The following PLG variants were observed in gnomAD, a reference collection of about 807,000 sequenced individuals.
PLG encodes the protein plasminogen, also known as plasmin.
Under a neutral mutation model 104.4 loss-of-function variants are expected in PLG, and 41 were observed. The ratio of observed to expected loss-of-function variants is 0.39; its 90% CI spans 0.31 to 0.51. The LOEUF (loss-of-function observed/expected upper bound fraction) is 0.51, where lower values mean the gene tolerates loss of function less well. Ranked by LOEUF, PLG falls within the 20% of genes least tolerant of loss-of-function variation. The pLI is 0.76. For missense variants in PLG, 891 were observed against 1,003.6 expected (o/e 0.89, Z 1.52); for synonymous variants, 337 against 357.1 (o/e 0.94, Z 0.63).
chr6:160,728,181 G>A (rs1322060912), intron 10 of PLG, among the ~76,000 whole-genome samples: 2 of 151,992 alleles, frequency 1.3e-5, no homozygotes, highest in Admixed American at 1.3e-4. Flanking sequence ...AAATAAAAAT[G>A]TCAGAGCAAT....
chr6:160,733,300 A>T (rs951638827), intron 12 of PLG, among the ~76,000 whole-genome samples: 1 of 152,222 alleles, frequency 6.6e-6, no homozygotes, highest in African/African-American at 2.4e-5. Flanking sequence ...TTCATCGGGT[A>T]GGAGAGCGCT....
intron 17 of PLG, among the ~76,000 whole-genome samples, chr6:160,743,959 A>T (rs1041862688): frequency 6.6e-6 from 1 of 152,202 alleles, no homozygotes; most frequent in Non-Finnish European, 1.5e-5. Context: ...GATGAATCAC[A>T]TTTATTGATT....
rs1228064514 is a variant in PLG at position 160,725,233 on chromosome 6, CAAAA to C, written c.1256+2668_1256+2671del. Among the ~76,000 whole-genome samples, 3 of 151,692 alleles carry C rather than the reference CAAAA, an allele frequency of 2.0e-5. No homozygotes were observed. Among genetic ancestry groups the C allele is most frequent in the Non-Finnish European group, 4.4e-5 (3 of 67,966 alleles). Reference sequence around the variant, plus strand: ...CAAAACAAACAAACAAACAAACAAACAAAAAGATAATAATTTACTACTTGAAGCA... The same window carrying C: ...CAAAACAAACAAACAAACAAACAAACAGATAATAATTTACTACTTGAAGCA... On this transcript the variant is annotated intron_variant, in intron 10 of 18. Transcript: ENST00000308192. The surrounding 1 kb of genome is among the most constrained non-coding windows in gnomAD (Gnocchi z 6.3).
At chr6:160,728,490 A>C (rs960200522) in intron 10 of PLG, among the ~76,000 whole-genome samples, 3 of 102,020 alleles carry the variant, frequency 2.9e-5, no homozygotes, top group Non-Finnish European at 4.2e-5. Context: ...TGGAGGACTT[A>C]CTTACCCAAA....
rs1233894449 is a variant in PLG at position 160,724,653 on chromosome 6, G to A, written c.1256+2086G>A. On this transcript the variant is annotated intron_variant, in intron 10 of 18. Transcript: ENST00000308192. The surrounding 1 kb of genome is among the most constrained non-coding windows in gnomAD (Gnocchi z 5.0). ...CTGATGCCTTCTCGTCAGAAACTAT[G>A]CTGGTCAGAAACAATGAAATAACAC... 6.6e-6 allele frequency among the ~76,000 whole-genome samples: 1 copy of A among 152,066 alleles called. No homozygotes were observed. The highest frequency in any genetic ancestry group is 2.4e-5 in the African/African-American group (1 of 41,408).
At chr6:160,751,845 C>G (rs976690333) in intron 17 of PLG, among the ~76,000 whole-genome samples, 1 of 152,172 alleles carries the variant, frequency 6.6e-6, no homozygotes, top group Non-Finnish European at 1.5e-5. Flanking sequence ...AAACATTATT[C>G]TTTATAGTTT....
chr6:160,707,985 T>C, intron 3 of PLG, 179 bp downstream of exon 3: 2 of 599,102 alleles, frequency 3.3e-6, no homozygotes, highest in Non-Finnish European at 6.1e-6. Flanking sequence ...TTGAGTGTAT[T>C]ACTTCACCTC....
rs1213783340 is a variant in PLG at position 160,738,889 on chromosome 6, C to T, written c.1878-179C>T. ...GCTGTATCAGTCTCTGCCCAAACAGCCCAAGAACATTCCTTAACTGCCTGT... is the reference window on the plus strand; with the variant it reads ...GCTGTATCAGTCTCTGCCCAAACAGTCCAAGAACATTCCTTAACTGCCTGT... On this transcript the variant is annotated intron_variant, in intron 15 of 18. Transcript: ENST00000308192. The surrounding 1 kb of genome is among the most constrained non-coding windows in gnomAD (Gnocchi z 6.8). Among the ~76,000 whole-genome samples the T allele has an allele frequency of 6.6e-6, 1 of 152,098 alleles. No homozygotes were observed. The highest frequency in any genetic ancestry group is 1.5e-5 in the Non-Finnish European group (1 of 68,006).
intron 17 of PLG, among the ~76,000 whole-genome samples, chr6:160,746,426 A>C (rs1332375142): frequency 6.6e-6 from 1 of 152,120 alleles, no homozygotes; most frequent in Non-Finnish European, 1.5e-5. Context: ...TGCTATTAAT[A>C]CTTGGATTGC....
At position 160,726,411 on chromosome 6, in the gene PLG, C is replaced by A. The variant is rs774476973; in HGVS notation, c.1256+3844C>A. ...AGTAAAAATACAACATATCAAAGTT[C>A]GTATGATGCAGCGAATGTTTTTAGG... On this transcript the variant is annotated intron_variant, in intron 10 of 18. Coordinates refer to ENST00000308192, the MANE Select transcript of PLG (RefSeq NM_000301.5). This position sits in a 1 kb window ranked among gnomAD's most constrained non-coding sequence, Gnocchi z 4.4. 6.6e-6 allele frequency among the ~76,000 whole-genome samples: 1 copy of A among 151,858 alleles called. No individual in the cohort carries two copies. The highest frequency in any genetic ancestry group is 2.4e-5 in the African/African-American group (1 of 41,370).
intron 17 of PLG, among the ~76,000 whole-genome samples, chr6:160,751,470 T>C (rs1562384712): frequency 6.6e-6 from 1 of 152,262 alleles, no homozygotes; most frequent in Non-Finnish European, 1.5e-5. Flanking sequence ...TAATTCTTGG[T>C]AAATGATGAC....
Position 160,718,237 on chromosome 6 carries a change from C to G in PLG, c.788-57C>G, listed in dbSNP as rs572068997. ...ACTGACTCCAGCCTGGGCGACAGAG[C>G]GAGACTCCGTCTCAAAAAATATATA... is the stretch of plus-strand genomic sequence containing the variant. On this transcript the variant is annotated intron_variant, in intron 7 of 18. Transcript: ENST00000308192. 21 of 1,458,094 alleles carry G rather than the reference C, an allele frequency of 1.4e-5. No homozygotes were observed. The Admixed American group carries it at 3.3e-4, about 23-fold the overall frequency. 90.3% of individuals were successfully genotyped at this position (1,458,094 alleles called of 1,614,324 possible).
chr6:160,746,099 G>A (rs1392163725), intron 17 of PLG, among the ~76,000 whole-genome samples: 1 of 152,150 alleles, frequency 6.6e-6, no homozygotes, highest in Admixed American at 6.5e-5. Context: ...TGATGATTAT[G>A]TGTCTTGAGG....
Position 160,706,210 on chromosome 6 carries a change from CA to C in PLG, c.50-196del, listed in dbSNP as rs1226287233. 3 of 693,232 alleles carry C rather than the reference CA, an allele frequency of 4.3e-6. No individual in the cohort carries two copies. In the African/African-American group the frequency reaches 5.4e-5, roughly 13 times the overall value. The allele number at this position is 693,232 out of a possible 1,614,324, so 42.9% of individuals were successfully genotyped here. Reference sequence around the variant, plus strand: ...GGTAGTCCCCAGTGTCTTTAGTTGCCATCTTTATTTATGTCCAAATGCCCGA... The same window carrying C: ...GGTAGTCCCCAGTGTCTTTAGTTGCCTCTTTATTTATGTCCAAATGCCCGA... On this transcript the variant is annotated intron_variant, in intron 1 of 18. Coordinates refer to ENST00000308192, the MANE Select transcript of PLG (RefSeq NM_000301.5).
At chr6:160,706,666 T>C in intron 2 of PLG, 124 bp downstream of exon 2, 1 of 986,660 alleles carries the variant, frequency 1.0e-6, no homozygotes, top group Non-Finnish European at 1.6e-6. Flanking sequence ...TGGAACTATA[T>C]TTGCTCACAG....
At chr6:160,717,613 C>G (rs891290640) in intron 7 of PLG, among the ~76,000 whole-genome samples, 15 of 152,190 alleles carry the variant, frequency 9.9e-5, no homozygotes, top group Non-Finnish European at 1.8e-4. Context: ...GGGTGCCATT[C>G]AGTCATGTCT....
Position 160,752,395 on chromosome 6 carries a change from T to G in PLG, c.2271+135T>G, listed in dbSNP as rs554974044. 7.9e-5 allele frequency: 61 copies of G among 770,854 alleles called. No homozygotes were observed. Among genetic ancestry groups the G allele is most frequent in the Non-Finnish European group, 1.3e-4 (59 of 444,768 alleles). The allele number at this position is 770,854 out of a possible 1,614,324, so 47.8% of individuals were successfully genotyped here. A position where few individuals can be genotyped will look rare whatever the true frequency, so the allele number is the denominator to read the frequency against. ...CCCAGTCTAAGTGTTGTTTAGAAACTTCCTAGATCTGTCCCTGAATGCGTA... is the reference window on the plus strand; with the variant it reads ...CCCAGTCTAAGTGTTGTTTAGAAACGTCCTAGATCTGTCCCTGAATGCGTA... On this transcript the variant is annotated intron_variant, in intron 18 of 18. Transcript: ENST00000308192. The surrounding 1 kb of genome is among the most constrained non-coding windows in gnomAD (Gnocchi z 4.7).
Position 160,722,470 on chromosome 6 carries a change from G to A in PLG, c.1159G>A (p.Gly387Ser), listed in dbSNP as rs1165160280. 13 of 1,613,012 alleles carry A rather than the reference G, an allele frequency of 8.1e-6. No individual in the cohort carries two copies. The highest frequency in any genetic ancestry group is 1.1e-5 in the South Asian group (1 of 91,058). Residue 387 changes from glycine (G) to serine (S), a missense_variant, in exon 10 of 19, where the codon GGC (glycine) becomes AGC (serine). Physicochemically the swap from Gly to Ser is moderately conservative, Grantham distance 56 (BLOSUM62 0). Coordinates refer to ENST00000308192, the MANE Select transcript of PLG (RefSeq NM_000301.5). ...CCATGGTGATGGACAGAGCTACCGA[G>A]GCACATCCTCCACCACCACCACAGG... is the stretch of plus-strand genomic sequence containing the variant. ...CYHGDGQSYRGTSSTTTTGKK... is the reference protein window; with the variant it reads ...CYHGDGQSYRSTSSTTTTGKK...
rs1777898174 is a variant in PLG, at chr6:160,724,808, A to C, written c.1256+2241A>C. Among the ~76,000 whole-genome samples, 1 of 152,232 alleles carries C rather than the reference A, an allele frequency of 6.6e-6. No individual in the cohort carries two copies. Among genetic ancestry groups the C allele is most frequent in the Admixed American group, 6.5e-5 (1 of 15,286 alleles). On this transcript the variant is annotated intron_variant, in intron 10 of 18. Coordinates refer to ENST00000308192, the MANE Select transcript of PLG (RefSeq NM_000301.5). This position sits in a 1 kb window ranked among gnomAD's most constrained non-coding sequence, Gnocchi z 5.0. ...CCAAAATAAATAAAACACTAAGAGA[A>C]TATTTCATTACTAGGCTTATATAAT...
Sources: gnomAD v4.1 joint callset for allele counts (sites outside exome capture counted in the v4.1 genomes callset) on GRCh38, gnomAD v4.1.1 for gene constraint, Gnocchi (gnomAD v3.1) non-coding constraint, MANE v1.5 for transcripts, NCBI Gene and HGNC (gene_info 2026-07-23, HGNC 2026-07-21) for gene names.